The following PRCC variants were observed in gnomAD, a reference collection of about 807,000 sequenced individuals.
PRCC encodes the protein proline-rich protein PRCC.
In PRCC, 10 loss-of-function variants were observed where a neutral mutation model predicts 44.0. The observed-to-expected ratio is 0.23, with a 90% CI of 0.14 to 0.39. PRCC has a LOEUF of 0.39. Ranked by LOEUF, PRCC falls within the 10% of genes least tolerant of loss-of-function variation. The pLI is 1.00. For synonymous variants in PRCC, 278 were observed against 259.5 expected, an observed-to-expected ratio of 1.07 and a Z score of -0.69; for missense variants, 573 against 624.7, an observed-to-expected ratio of 0.92 and a Z score of 0.88.
At chr1:156,779,892 G>T (rs1371049602) in intron 1 of PRCC, among the ~76,000 whole-genome samples, 16 of 149,702 alleles carry the variant, frequency 1.1e-4, no homozygotes, top group Non-Finnish European at 1.5e-5. Flanking sequence ...ACCATGCCTG[G>T]TCTATTTTTT....
intron 4 of PRCC, 99 bp downstream of exon 4, chr1:156,791,891 C>CAA: frequency 9.1e-7 from 1 of 1,096,724 alleles, no homozygotes; most frequent in Non-Finnish European, 1.3e-6. Context: ...ACACAAAAGA[C>CAA]AAAACTGTAT....
chr1:156,777,993 G>A (rs554376128), intron 1 of PRCC, among the ~76,000 whole-genome samples: 2 of 152,296 alleles, frequency 1.3e-5, no homozygotes, highest in East Asian at 3.9e-4. Flanking sequence ...TATGAATACT[G>A]TAGAATAATT....
intron 1 of PRCC, among the ~76,000 whole-genome samples, chr1:156,775,871 T>G (rs1029151764): frequency 1.3e-5 from 2 of 152,066 alleles, no homozygotes; most frequent in African/African-American, 4.8e-5. Context: ...GTCTCAAAAC[T>G]CCTGGGCTCA....
chr1:156,798,302 A>G (rs1411852089), intron 6 of PRCC, among the ~76,000 whole-genome samples: 4 of 151,670 alleles, frequency 2.6e-5, no homozygotes, highest in African/African-American at 9.7e-5. Context: ...GATAGCAACA[A>G]CTTCACAAAT....
chr1:156,798,187 GCTAACTA>G (rs1331169958), intron 6 of PRCC, among the ~76,000 whole-genome samples: 2 of 152,176 alleles, frequency 1.3e-5, no homozygotes, highest in Non-Finnish European at 2.9e-5. Context: ...TCCCCTAACA[GCTAACTA>G]CTAATTGCCT....
In PRCC at chr1:156,789,847, A is replaced by T. The variant is rs74967407; in HGVS notation, c.1084-1850A>T. Among the ~76,000 whole-genome samples the T allele has an allele frequency of 9.2e-5, 14 of 152,354 alleles. No individual in the cohort carries two copies. The East Asian group carries it at 2.7e-3, about 29-fold the overall frequency. On this transcript the variant is annotated intron_variant, in intron 3 of 6. Coordinates refer to ENST00000271526, the MANE Select transcript of PRCC (RefSeq NM_005973.5). Reference sequence around the variant, plus strand: ...CAATAAATGCTGATTGTAACTTTTTATTCACGTTGTATTCACCTGTTGTTT... The same window carrying T: ...CAATAAATGCTGATTGTAACTTTTTTTTCACGTTGTATTCACCTGTTGTTT...
At chr1:156,789,081 C>A (rs567654882) in intron 3 of PRCC, among the ~76,000 whole-genome samples, 1 of 151,988 alleles carries the variant, frequency 6.6e-6, no homozygotes, top group South Asian at 2.1e-4. Flanking sequence ...GCGATTCTCC[C>A]GCCTCAGCCT....
chr1:156,786,604 C>G lies in PRCC; in HGVS notation c.517-4C>G. 1.9e-6 allele frequency: 3 copies of G among 1,605,758 alleles called. No homozygotes were observed. The highest frequency in any genetic ancestry group is 2.6e-6 in the Non-Finnish European group (3 of 1,173,630). ...TCCTCCTATCCCACACCTGGGCTCA[C>G]CAGGGATCCAGTGAGGGGACTGGTT... On this transcript the variant is annotated splice_region_variant and splice_polypyrimidine_tract_variant and intron_variant, in intron 2 of 6. Coordinates refer to ENST00000271526, the MANE Select transcript of PRCC (RefSeq NM_005973.5).
At chr1:156,794,570 G>A in intron 4 of PRCC, 95 bp from the exon 5 acceptor site, 2 of 1,456,236 alleles carry the variant, frequency 1.4e-6, no homozygotes, top group Non-Finnish European at 1.9e-6. Context: ...TGGGATTGGT[G>A]AGTCACAAAA....
chr1:156,786,410 C>T (rs1489407529), intron 2 of PRCC, among the ~76,000 whole-genome samples, 198 bp from the exon 3 acceptor site: 1 of 152,194 alleles, frequency 6.6e-6, no homozygotes, highest in Non-Finnish European at 1.5e-5. Context: ...TTGGGAGAAG[C>T]AGCCCGCAGA....
intron 1 of PRCC, among the ~76,000 whole-genome samples, chr1:156,779,642 G>A (rs533740111): frequency 3.6e-4 from 54 of 151,952 alleles, no homozygotes; most frequent in Non-Finnish European, 7.1e-4. Context: ...GTGCTGGAAT[G>A]ACAGGTGTAA....
At chr1:156,772,162 A>G (rs886128840) in intron 1 of PRCC, among the ~76,000 whole-genome samples, 1 of 152,006 alleles carries the variant, frequency 6.6e-6, no homozygotes, top group African/African-American at 2.4e-5. Context: ...TCTGGCCTTG[A>G]TTCATTATTT....
chr1:156,792,292 G>T (rs1335959412), intron 4 of PRCC, among the ~76,000 whole-genome samples: 2 of 151,896 alleles, frequency 1.3e-5, no homozygotes, highest in Admixed American at 6.6e-5. Flanking sequence ...CATCACATTG[G>T]CATTGGAGAT....
Position 156,786,732 on chromosome 1 carries a change from A to T in PRCC, c.641A>T (p.Asp214Val), listed in dbSNP as rs1478489449. Reference protein sequence around the residue: ...FSRKPSDGSPDTKPSRLASKT... With the variant: ...FSRKPSDGSPVTKPSRLASKT... ...CGCAAACCCTCGGATGGCTCCCCTG[A>T]TACTAAGCCCTCCAGACTGGCTTCT... The change falls in exon 3 of 7, where the codon GAT becomes GTT. Residue 214 changes from aspartate (D) to valine (V), a missense_variant. This residue lies in a region of PRCC where 118 missense variants were observed against 166.7 expected (regional missense o/e 0.71). Coordinates refer to ENST00000271526, the MANE Select transcript of PRCC (RefSeq NM_005973.5). 6.2e-7 allele frequency: 1 copy of T among 1,613,986 alleles called. No individual in the cohort carries two copies. The highest frequency in any genetic ancestry group is 8.5e-7 in the Non-Finnish European group (1 of 1,180,024).
At chr1:156,791,003 C>T in intron 3 of PRCC, 12 of 915,904 alleles carry the variant, frequency 1.3e-5, no homozygotes, top group Non-Finnish European at 1.8e-5. Flanking sequence ...TTTATTGGCC[C>T]TGTGGCTGCC....
intron 3 of PRCC, among the ~76,000 whole-genome samples, chr1:156,788,702 G>A (rs570168583): frequency 4.1e-4 from 51 of 124,540 alleles, no homozygotes; most frequent in African/African-American, 1.5e-3. Flanking sequence ...TCGCTCTGTC[G>A]CCCAGGCTGG....
In PRCC at chr1:156,767,714, C is replaced by G; in HGVS notation, c.-58C>G. 6.7e-7 allele frequency: 1 copy of G among 1,496,904 alleles called. No homozygotes were observed. Among genetic ancestry groups the G allele is most frequent in the Non-Finnish European group, 8.9e-7 (1 of 1,118,866 alleles). The allele number at this position is 1,496,904 out of a possible 1,614,324, so 92.7% of individuals were successfully genotyped here. On this transcript the variant is annotated 5_prime_UTR_variant, in exon 1 of 7. It adds an upstream start codon to the 5' untranslated region. Coordinates refer to ENST00000271526, the MANE Select transcript of PRCC (RefSeq NM_005973.5). ...CGGGGCCTACTAGGCCTCCGGGCATCCCCGGTCTCAAGTAGGCCTCATCTG... is the reference window on the plus strand; with the variant it reads ...CGGGGCCTACTAGGCCTCCGGGCATGCCCGGTCTCAAGTAGGCCTCATCTG...
chr1:156,783,754 T>A, intron 2 of PRCC, among the ~76,000 whole-genome samples: 1 of 150,142 alleles, frequency 6.7e-6, no homozygotes, highest in Non-Finnish European at 1.5e-5. Flanking sequence ...AAAAAAAACA[T>A]AAAAAAATAC....
intron 1 of PRCC, among the ~76,000 whole-genome samples, chr1:156,771,428 C>G (rs1031838796): frequency 1.3e-5 from 2 of 152,042 alleles, no homozygotes; most frequent in Non-Finnish European, 2.9e-5. Flanking sequence ...AGGCTGGTGG[C>G]CTGGATGATG....
Sources: allele counts gnomAD v4.1 joint callset (sites outside exome capture counted in the v4.1 genomes callset), GRCh38; gene constraint gnomAD v4.1.1; regional missense constraint gnomAD v4.1.1; transcripts MANE v1.5; gene names NCBI Gene and HGNC (gene_info 2026-07-23, HGNC 2026-07-21).